CEP57L1: variants seen among roughly 807,000 people sequenced by gnomAD.
CEP57L1 encodes the protein centrosomal protein CEP57L1.
A neutral mutation model predicts 61.0 loss-of-function variants in CEP57L1; 37 were observed. The ratio of observed to expected loss-of-function variants is 0.61; its 90% CI spans 0.47 to 0.80. CEP57L1 has a LOEUF of 0.80. Ranked by LOEUF, CEP57L1 falls within the 30% of genes least tolerant of loss-of-function variation. The probability of loss-of-function intolerance (pLI) is 0.00; values close to 1 mark genes in which losing one functional copy is unlikely to be tolerated. For missense variants in CEP57L1, 422 were observed against 524.7 expected (o/e 0.80, Z 1.91); for synonymous variants, 137 against 162.3 (o/e 0.84, Z 1.19).
chr6:109,122,058 A>G (rs1055902557), intron 1 of CEP57L1, among the ~76,000 whole-genome samples: 9 of 152,206 alleles, frequency 5.9e-5, no homozygotes, highest in Non-Finnish European at 1.3e-4. Context: ...ATGTTTTGTA[A>G]TCATTATTGG....
rs4549653 is a variant in CEP57L1, at chr6:109,168,724, T to G, written c.*5754T>G. Among the ~76,000 whole-genome samples the G allele has an allele frequency of 0.11, 16,246 of 150,950 alleles. 946 individuals are homozygous for G. Among genetic ancestry groups the G allele is most frequent in the Middle Eastern group, 0.22 (63 of 288 alleles). On this transcript the variant is annotated 3_prime_UTR_variant, in exon 11 of 11. Coordinates refer to ENST00000517392, the MANE Select transcript of CEP57L1 (RefSeq NM_001271852.3). ...AATTCTCCTGCCTCAGCCTCCCAAG[T>G]AGCTGGGATTATAGGTGTGCACCAC...
chr6:109,106,668 C>G (rs1300445879), intron 1 of CEP57L1, among the ~76,000 whole-genome samples: 1 of 152,108 alleles, frequency 6.6e-6, no homozygotes, highest in African/African-American at 2.4e-5. Flanking sequence ...ATAGCTCATG[C>G]CTGTAATCCC....
At chr6:109,114,988 TTAAAA>T (rs1040523138) in intron 1 of CEP57L1, among the ~76,000 whole-genome samples, 6 of 152,044 alleles carry the variant, frequency 3.9e-5, no homozygotes, top group African/African-American at 1.4e-4. Flanking sequence ...TATTTGCCAA[TTAAAA>T]TAAAACTAAT....
upstream of CEP57L1, chr6:109,095,180 C>G (rs985345530): frequency 6.1e-6 from 6 of 985,438 alleles, no homozygotes; most frequent in East Asian, 6.8e-4. Context: ...CCCGGAGGCG[C>G]TAAGCTTGCG....
intron 1 of CEP57L1, among the ~76,000 whole-genome samples, chr6:109,139,453 C>T (rs1355212076): frequency 4.6e-5 from 7 of 151,916 alleles, no homozygotes; most frequent in African/African-American, 1.7e-4. Context: ...TATGAGCCAT[C>T]TCGCCTGGCT....
At chr6:109,098,961 G>C (rs1484744636) in intron 1 of CEP57L1, among the ~76,000 whole-genome samples, 2 of 152,202 alleles carry the variant, frequency 1.3e-5, no homozygotes, top group Admixed American at 1.3e-4. Flanking sequence ...GAGAGTAAGA[G>C]TCAAAAATGG....
In CEP57L1 at chr6:109,145,311, A is replaced by G. The variant is rs1168507135; in HGVS notation, c.90A>G (p.Pro30=). 9 of 1,611,522 alleles carry G rather than the reference A, an allele frequency of 5.6e-6. No individual in the cohort carries two copies. The highest frequency in any genetic ancestry group is 5.0e-5 in the Admixed American group (3 of 59,930). The part of the protein sequence containing the change: ...VFVPSFTQNE[P]SQNCHPANLE... The stretch of plus-strand genomic sequence containing the variant: ...TTCCCTCATTCACCCAGAATGAACC[A>G]TCTCAGAATTGCCATCCTGCAAACT... The change falls in exon 2 of 11, where the codon CCA becomes CCG. Residue 30 remains proline, a synonymous_variant. Transcript: ENST00000517392.
rs749209182 is a variant in CEP57L1, at chr6:109,159,457, G to A, written c.1011G>A (p.Met337Ile). ...LMAMQDELDQ[M>I]SMEHQELLKQ... is the part of the protein sequence containing the mutation. The stretch of plus-strand genomic sequence containing the variant: ...CAATGCAAGATGAGCTGGACCAAAT[G>A]AGCATGTAAGTATTTATATTCTTTT... Residue 337 changes from methionine to isoleucine, a missense_variant, in exon 9 of 11, where the codon ATG becomes ATA. Transcript: ENST00000517392. 13 of 1,611,906 alleles carry A rather than the reference G, an allele frequency of 8.1e-6. No homozygotes were observed. The South Asian group carries it at 1.4e-4, about 18-fold the overall frequency.
chr6:109,107,176 T>C (rs1771041083), intron 1 of CEP57L1, among the ~76,000 whole-genome samples: 1 of 152,226 alleles, frequency 6.6e-6, no homozygotes, highest in South Asian at 2.1e-4. Context: ...ATTAGACTTA[T>C]ATTTTTAAAT....
At chr6:109,119,426 A>G (rs1248017556) in intron 1 of CEP57L1, among the ~76,000 whole-genome samples, 3 of 152,216 alleles carry the variant, frequency 2.0e-5, no homozygotes, top group Non-Finnish European at 4.4e-5. Context: ...AGGTGAGTCA[A>G]GAAGTGTTTT....
At position 109,164,521 on chromosome 6, in the gene CEP57L1, A is replaced by G. The variant is rs1773964655; in HGVS notation, c.*1551A>G. 6.6e-6 allele frequency among the ~76,000 whole-genome samples: 1 copy of G among 151,956 alleles called. No individual in the cohort carries two copies. The highest frequency in any genetic ancestry group is 1.5e-5 in the Non-Finnish European group (1 of 67,988). The stretch of plus-strand genomic sequence containing the variant: ...CACCCTTAGCTCCTCAGCCCTGGAG[A>G]TGTTCCATAGGGTGTTTGATCTAAA... On this transcript the variant is annotated 3_prime_UTR_variant, in exon 11 of 11. Coordinates refer to ENST00000517392, the MANE Select transcript of CEP57L1 (RefSeq NM_001271852.3).
chr6:109,174,114 A>G lies in CEP57L1; in HGVS notation c.*11144A>G, dbSNP rs1774536142. ...GTCTTGGTCTCAAAAAAAAAAAAAA[A>G]CCTTGTGTTGGAAACCATCTCCAAT... On this transcript the variant is annotated 3_prime_UTR_variant, in exon 11 of 11. Transcript: ENST00000517392. 6.6e-6 allele frequency among the ~76,000 whole-genome samples: 1 copy of G among 151,578 alleles called. No individual in the cohort carries two copies. Among genetic ancestry groups the G allele is most frequent in the African/African-American group, 2.4e-5 (1 of 41,226 alleles).
chr6:109,110,778 A>G (rs1771512028), intron 1 of CEP57L1, among the ~76,000 whole-genome samples: 1 of 152,242 alleles, frequency 6.6e-6, no homozygotes, highest in Non-Finnish European at 1.5e-5. Context: ...TTTATTAAAT[A>G]GGGAATTCTT....
At chr6:109,101,048 A>G (rs1402730554) in intron 1 of CEP57L1, among the ~76,000 whole-genome samples, 1 of 152,258 alleles carries the variant, frequency 6.6e-6, no homozygotes, top group Non-Finnish European at 1.5e-5. Flanking sequence ...CAGAGGTTGC[A>G]GTGAGCCAAG....
rs1373432219 is a variant in CEP57L1 at position 109,102,262 on chromosome 6, TTCATAGA to T, written c.-4+6691_-4+6697del. 2.0e-5 allele frequency among the ~76,000 whole-genome samples: 3 copies of T among 152,132 alleles called. No individual in the cohort carries two copies. In the East Asian group the frequency reaches 5.8e-4, roughly 30 times the overall value. On this transcript the variant is annotated intron_variant, in intron 1 of 10. Transcript: ENST00000517392. Reference sequence around the variant, plus strand: ...ACCCAGGTTGGAGTGCAGTGTTGCTTTCATAGATCACTGTAACCTCAAACCCCTTGGC... The same window carrying T: ...ACCCAGGTTGGAGTGCAGTGTTGCTTTCACTGTAACCTCAAACCCCTTGGC...
At chr6:109,147,143 C>T (rs1772055973) in intron 3 of CEP57L1, among the ~76,000 whole-genome samples, 1 of 151,994 alleles carries the variant, frequency 6.6e-6, no homozygotes, top group Non-Finnish European at 1.5e-5. Context: ...TATCATAATT[C>T]ATAAATTCTA....
chr6:109,122,105 C>T (rs1337413994), intron 1 of CEP57L1, among the ~76,000 whole-genome samples: 1 of 152,178 alleles, frequency 6.6e-6, no homozygotes, highest in African/African-American at 2.4e-5. Flanking sequence ...AAAGGATTTG[C>T]ATTTCGCTCT....
chr6:109,159,176 C>A (rs1347895818), intron 8 of CEP57L1, 74 bp downstream of exon 8: 1 of 1,613,406 alleles, frequency 6.2e-7, no homozygotes, highest in Non-Finnish European at 8.5e-7. Context: ...TAAATATCTT[C>A]AGTCATTTAA....
Position 109,169,226 on chromosome 6 carries a change from C to CAAAAAAAAAA in CEP57L1, c.*6268_*6277dup, listed in dbSNP as rs202070350. Among the ~76,000 whole-genome samples the CAAAAAAAAAA allele has an allele frequency of 8.9e-5, 6 of 67,540 alleles. No homozygotes were observed. Among genetic ancestry groups the CAAAAAAAAAA allele is most frequent in the Non-Finnish European group, 1.7e-4 (6 of 35,666 alleles). The allele number at this position is 67,540 out of a possible 152,430, so 44.3% of individuals were successfully genotyped here. A position where few individuals can be genotyped will look rare whatever the true frequency, so the allele number is the denominator to read the frequency against. ...GAGCAGCAGAGTGAGGCTCCATCAG[C>CAAAAAAAAAA]AAAAAAAAAAAAAAAAAAAAAGATC... On this transcript the variant is annotated 3_prime_UTR_variant, in exon 11 of 11. Transcript: ENST00000517392.
Sources: allele counts gnomAD v4.1 joint callset (sites outside exome capture counted in the v4.1 genomes callset), GRCh38; gene constraint gnomAD v4.1.1; transcripts MANE v1.5; gene names NCBI Gene and HGNC (gene_info 2026-07-23, HGNC 2026-07-21).